The following CSMD1 variants were observed in gnomAD, a reference collection of about 807,000 sequenced individuals.
The protein encoded by CSMD1 is CUB and Sushi multiple domains 1, also known as CUB and sushi domain-containing protein 1.
A neutral mutation model predicts 417.5 loss-of-function variants in CSMD1; 213 were observed. The observed-to-expected ratio is 0.51, with a 90% CI of 0.46 to 0.57. The LOEUF (loss-of-function observed/expected upper bound fraction) is 0.57, where lower values mean the gene tolerates loss of function less well. Ranked by LOEUF, CSMD1 falls within the 20% of genes least tolerant of loss-of-function variation. The pLI is 0.00. For missense variants in CSMD1, 6,923 were observed against 4,529.7 expected (o/e 1.53, Z -15.17); for synonymous variants, 2,862 against 1,736.8 (o/e 1.65, Z -16.11).
At chr8:3,357,172 G>T (rs539157855) in intron 21 of CSMD1, among the ~76,000 whole-genome samples, 2 of 152,160 alleles carry the variant, frequency 1.3e-5, no homozygotes, top group Admixed American at 6.5e-5. Context: ...ATGCACCAGA[G>T]GGGCTGGAGG....
chr8:3,817,124 C>T (rs923747363), intron 5 of CSMD1, among the ~76,000 whole-genome samples: 1 of 151,922 alleles, frequency 6.6e-6, no homozygotes, highest in Non-Finnish European at 1.5e-5. Context: ...ATAGAGAGAG[C>T]TCTTCATGAT....
intron 5 of CSMD1, among the ~76,000 whole-genome samples, chr8:3,845,616 G>A (rs903865363): frequency 1.3e-5 from 2 of 152,070 alleles, no homozygotes; most frequent in Non-Finnish European, 2.9e-5. Context: ...ATCTATAAAT[G>A]CAGTGTACTT....
intron 7 of CSMD1, among the ~76,000 whole-genome samples, chr8:3,628,302 C>G (rs1183928288): frequency 3.9e-5 from 6 of 152,064 alleles, no homozygotes; most frequent in Non-Finnish European, 2.9e-5. Context: ...AGGTTGCAGC[C>G]CATGCACACT....
chr8:4,863,162 T>C (rs1413873284), intron 1 of CSMD1, among the ~76,000 whole-genome samples: 1 of 152,116 alleles, frequency 6.6e-6, no homozygotes, highest in Non-Finnish European at 1.5e-5. Flanking sequence ...ATTAGAAATA[T>C]GAATTGACAA....
chr8:4,977,065 G>C (rs955070878), intron 1 of CSMD1, among the ~76,000 whole-genome samples: 2 of 152,092 alleles, frequency 1.3e-5, no homozygotes, highest in Admixed American at 6.5e-5. Flanking sequence ...ACAGCTTTTA[G>C]TATCAACAGT....
chr8:3,851,293 T>G (rs991457794), intron 5 of CSMD1, among the ~76,000 whole-genome samples: 1 of 152,224 alleles, frequency 6.6e-6, no homozygotes, highest in Non-Finnish European at 1.5e-5. Flanking sequence ...GGACTGGTCT[T>G]TTCATATTGA....
intron 5 of CSMD1, among the ~76,000 whole-genome samples, chr8:3,993,593 G>T (rs1258769420): frequency 1.3e-5 from 2 of 152,194 alleles, no homozygotes; most frequent in Non-Finnish European, 2.9e-5. Context: ...TGTCACCCCA[G>T]AGTTTCCCTT....
intron 44 of CSMD1, 61 bp from the exon 45 acceptor site, chr8:3,107,859 T>C: frequency 9.4e-7 from 1 of 1,062,696 alleles, no homozygotes; most frequent in Non-Finnish European, 1.4e-6. Context: ...TAAACACAAC[T>C]ATTACAAAAC....
chr8:4,126,940 G>C (rs1182446141), intron 3 of CSMD1, among the ~76,000 whole-genome samples: 8 of 152,158 alleles, frequency 5.3e-5, no homozygotes, highest in African/African-American at 1.4e-4. Context: ...TGCTGGAAGA[G>C]ACCCTGCAGG....
intron 6 of CSMD1, among the ~76,000 whole-genome samples, chr8:3,750,008 T>C (rs1189707444): frequency 1.3e-5 from 2 of 152,206 alleles, no homozygotes; most frequent in Admixed American, 6.5e-5. Flanking sequence ...TTCAGATTTC[T>C]ACCAATAGTG....
intron 3 of CSMD1, among the ~76,000 whole-genome samples, chr8:4,358,536 C>A (rs572859971): frequency 6.6e-6 from 1 of 152,134 alleles, no homozygotes; most frequent in East Asian, 1.9e-4. Context: ...GCAGAGGTGA[C>A]GATATGGCCT....
At chr8:3,489,860 T>G (rs1031749782) in intron 11 of CSMD1, among the ~76,000 whole-genome samples, 8 of 152,150 alleles carry the variant, frequency 5.3e-5, no homozygotes, top group African/African-American at 1.9e-4. Flanking sequence ...CACAAAATAT[T>G]GAGTTTGAAG....
intron 7 of CSMD1, among the ~76,000 whole-genome samples, chr8:3,617,791 G>T (rs1017240008): frequency 6.6e-6 from 1 of 152,076 alleles, no homozygotes; most frequent in Non-Finnish European, 1.5e-5. Context: ...ACATTCTGTT[G>T]TATTTATTAT....
At position 4,637,457 on chromosome 8, in the gene CSMD1, T is replaced by G; in HGVS notation, c.187A>C (p.Ile63Leu). 6.2e-7 allele frequency: 1 copy of G among 1,613,838 alleles called. No homozygotes were observed. Among genetic ancestry groups the G allele is most frequent in the Non-Finnish European group, 8.5e-7 (1 of 1,179,874 alleles). The part of the protein sequence containing the change: ...PNYANCTWII[I>L]TGERNRIQLS... ...TGTATCCTATTGCGCTCGCCCGTGA[T>G]GATGATCCAGGTGCAGTTGGCATAG... is the stretch of plus-strand genomic sequence containing the variant. The change falls in exon 2 of 70, where the codon ATC (isoleucine) becomes CTC (leucine). Residue 63 changes from isoleucine (I) to leucine (L), a missense_variant. Transcript: ENST00000635120.
At chr8:3,248,363 T>C (rs1800019031) in intron 26 of CSMD1, among the ~76,000 whole-genome samples, 1 of 152,102 alleles carries the variant, frequency 6.6e-6, no homozygotes, top group African/African-American at 2.4e-5. Flanking sequence ...ATATCCCAAT[T>C]TGAATAAAAA....
intron 25 of CSMD1, among the ~76,000 whole-genome samples, chr8:3,297,295 C>T (rs1057451169): frequency 6.6e-6 from 1 of 152,076 alleles, no homozygotes; most frequent in South Asian, 2.1e-4. Flanking sequence ...AAAATCCAGG[C>T]AATTTCTTTT....
intron 3 of CSMD1, among the ~76,000 whole-genome samples, chr8:4,299,149 T>C (rs1471986416): frequency 6.6e-6 from 1 of 152,170 alleles, no homozygotes; most frequent in Non-Finnish European, 1.5e-5. Flanking sequence ...AAACAGATCG[T>C]GCTTTTCTTC....
chr8:4,080,633 A>T (rs1239571668), intron 3 of CSMD1, among the ~76,000 whole-genome samples: 1 of 152,180 alleles, frequency 6.6e-6, no homozygotes, highest in Non-Finnish European at 1.5e-5. Context: ...GCTAAATTTT[A>T]TCAGTTTTAT....
At chr8:4,065,871 T>A (rs539558850) in intron 3 of CSMD1, among the ~76,000 whole-genome samples, 33 of 152,360 alleles carry the variant, frequency 2.2e-4, no homozygotes, top group African/African-American at 7.7e-4. Context: ...TTTCCTTCAC[T>A]GTCTTCCATA....
Sources: gnomAD v4.1 joint callset for allele counts (sites outside exome capture counted in the v4.1 genomes callset) on GRCh38, gnomAD v4.1.1 for gene constraint, MANE v1.5 for transcripts, NCBI Gene and HGNC (gene_info 2026-07-23, HGNC 2026-07-21) for gene names.